ZDBF2: variants seen among roughly 807,000 people sequenced by gnomAD.
ZDBF2 encodes the protein DBF4-type zinc finger-containing protein 2.
In ZDBF2, 6 loss-of-function variants were observed where a neutral mutation model predicts 9.4. That is an observed-to-expected ratio of 0.64 (90% CI 0.35 to 1.27). The LOEUF is 1.27. ZDBF2 is among the 50% of genes most tolerant of loss of function. ZDBF2 has a pLI of 0.03. For synonymous variants in ZDBF2, 905 were observed against 946.3 expected, an observed-to-expected ratio of 0.96 and a Z score of 0.80; for missense variants, 2,697 against 2,766.8, an observed-to-expected ratio of 0.97 and a Z score of 0.57.
In ZDBF2 at chr2:206,309,443, GAGTCACA is replaced by G; in HGVS notation, c.4918_4924del (p.Ser1640AspfsTer7). On this transcript the variant is annotated frameshift_variant, in exon 5 of 5. Transcript: ENST00000374423. LOFTEE classifies it low-confidence loss of function (END_TRUNC). The stretch of plus-strand genomic sequence containing the variant: ...TGCCTCTGATCAGTCCATGACTTAC[GAGTCACA>G]AGGACCTGATGAGAAAATGGTGAAA... The G allele has an allele frequency of 6.2e-7, 1 of 1,613,644 alleles. No homozygotes were observed. The highest frequency in any genetic ancestry group is 2.2e-5 in the East Asian group (1 of 44,880).
At chr2:206,288,547 TC>T (rs577208914) in intron 3 of ZDBF2, among the ~76,000 whole-genome samples, 50 of 152,308 alleles carry the variant, frequency 3.3e-4, no homozygotes, top group African/African-American at 1.2e-3. Flanking sequence ...AGCACTGTGT[TC>T]CGGTTGCAGG....
chr2:206,311,125 T>C lies in ZDBF2; in HGVS notation c.6597T>C (p.Ile2199=), dbSNP rs1236596870. 1.9e-6 allele frequency: 3 copies of C among 1,613,678 alleles called. No individual in the cohort carries two copies. The highest frequency in any genetic ancestry group is 8.5e-7 in the Non-Finnish European group (1 of 1,179,870). The change falls in exon 5 of 5, where the codon ATT becomes ATC. Residue 2199 remains isoleucine (I), a synonymous_variant. Transcript: ENST00000374423. ...CCAAAAAGGTTTATAAACCAATTAT[T>C]CTCCAGCAAAAACCCAGAAAAGCTT... ...GFPKKVYKPI[I]LQQKPRKASE... is the part of the protein sequence containing the mutation.
At position 206,309,015 on chromosome 2, in the gene ZDBF2, C is replaced by G; in HGVS notation, c.4487C>G (p.Ser1496Ter). Residue 1496 changes from serine (S) to a stop codon, truncating the protein, a stop_gained, in exon 5 of 5, where the codon TCA becomes TGA. Coordinates refer to ENST00000374423, the MANE Select transcript of ZDBF2 (RefSeq NM_020923.3). LOFTEE classifies it low-confidence loss of function (END_TRUNC). ...MEEKTDQPSD[S>*]EMMYDSDVPF... ...GAAAAGACCGATCAACCTAGTGATT[C>G]AGAAATGATGTATGATTCTGATGTT... 1.9e-6 allele frequency: 3 copies of G among 1,613,846 alleles called. No individual in the cohort carries two copies. Among genetic ancestry groups the G allele is most frequent in the Non-Finnish European group, 8.5e-7 (1 of 1,179,850 alleles).
At chr2:206,278,267 T>G (rs1159826201) in intron 1 of ZDBF2, among the ~76,000 whole-genome samples, 1 of 152,182 alleles carries the variant, frequency 6.6e-6, no homozygotes, top group Non-Finnish European at 1.5e-5. Context: ...TAAATGTGTA[T>G]TTTCTTATTT....
rs1328166689 is a variant in ZDBF2, at chr2:206,310,927, G to A, written c.6399G>A (p.Lys2133=). The A allele has an allele frequency of 3.7e-6, 6 of 1,613,888 alleles. No homozygotes were observed. Among genetic ancestry groups the A allele is most frequent in the African/African-American group, 1.3e-5 (1 of 75,028 alleles). Residue 2133 remains lysine (K), a synonymous_variant, in exon 5 of 5, where the codon AAG becomes AAA. Transcript: ENST00000374423. ...CTTCTCTGTTTCTGGAAGAATCAAA[G>A]GTTCTGCATGCTCGTGAGCTTCCAA... ...SDSSLFLEES[K]VLHARELPKK...
At position 206,308,395 on chromosome 2, in the gene ZDBF2, T is replaced by C. The variant is rs1405815668; in HGVS notation, c.3867T>C (p.Ser1289=). The C allele has an allele frequency of 3.1e-6, 5 of 1,612,708 alleles. No individual in the cohort carries two copies. Among genetic ancestry groups the C allele is most frequent in the Non-Finnish European group, 4.2e-6 (5 of 1,179,572 alleles). ...KPTDSRINFD[S]HEPLQSVTNK... The stretch of plus-strand genomic sequence containing the variant: ...CAGATTCCAGAATAAATTTTGATTC[T>C]CATGAACCCCTTCAGTCCGTAACTA... Residue 1289 remains serine, a synonymous_variant, in exon 5 of 5, where the codon TCT becomes TCC. Transcript: ENST00000374423.
chr2:206,288,697 T>G (rs1281552340), intron 3 of ZDBF2, among the ~76,000 whole-genome samples: 1 of 152,098 alleles, frequency 6.6e-6, no homozygotes, highest in Non-Finnish European at 1.5e-5. Context: ...CTGTAACTTT[T>G]AGGCACCCCC....
intron 4 of ZDBF2, among the ~76,000 whole-genome samples, chr2:206,300,497 G>A (rs997021065): frequency 2.0e-5 from 3 of 152,144 alleles, no homozygotes; most frequent in Admixed American, 6.5e-5. Flanking sequence ...CATTTTGGGC[G>A]TGAATATCTT....
Position 206,311,591 on chromosome 2 carries a change from TAGA to T in ZDBF2, c.*1_*3del. 1.3e-6 allele frequency: 2 copies of T among 1,487,812 alleles called. No homozygotes were observed. The highest frequency in any genetic ancestry group is 3.0e-5 in the South Asian group (2 of 66,788). 92.2% of individuals were successfully genotyped at this position (1,487,812 alleles called of 1,614,324 possible). On this transcript the variant is annotated stop_retained_variant and 3_prime_UTR_variant, in exon 5 of 5. Transcript: ENST00000374423. ...CAAACTGAGAGGTAATGAGGTAAAA[TAGA>T]AGTTGGTTTTGTGTTCAGGCTAGTT...
At position 206,313,111 on chromosome 2, in the gene ZDBF2, C is replaced by T. The variant is rs1363224998; in HGVS notation, c.*1518C>T. 1 of 152,078 alleles carries T rather than the reference C, an allele frequency of 6.6e-6. No homozygotes were observed. Among genetic ancestry groups the T allele is most frequent in the East Asian group, 1.9e-4 (1 of 5,194 alleles). The allele number at this position is 152,078 out of a possible 1,614,324, so 9.4% of individuals were successfully genotyped here. A position where few individuals can be genotyped will look rare whatever the true frequency, so the allele number is the denominator to read the frequency against. On this transcript the variant is annotated 3_prime_UTR_variant, in exon 5 of 5. Transcript: ENST00000374423. ...GAATTACAACTATATTGTATGACTG[C>T]CATATTTTATTGAAACTAAGGTCAA...
rs1692830177 is a variant in ZDBF2, at chr2:206,306,868, T to C, written c.2340T>C (p.Asp780=). The change falls in exon 5 of 5, where the codon GAT becomes GAC. Residue 780 remains aspartate, a synonymous_variant. Coordinates refer to ENST00000374423, the MANE Select transcript of ZDBF2 (RefSeq NM_020923.3). The part of the protein sequence containing the change: ...EGKERHIDLE[D]ESCESDSSEI... Reference sequence around the variant, plus strand: ...AAGAACGGCACATTGACCTGGAAGATGAGAGCTGTGAGTCAGATAGTTCTG... The same window carrying C: ...AAGAACGGCACATTGACCTGGAAGACGAGAGCTGTGAGTCAGATAGTTCTG... 8 of 1,613,858 alleles carry C rather than the reference T, an allele frequency of 5.0e-6. No homozygotes were observed. The highest frequency in any genetic ancestry group is 6.8e-6 in the Non-Finnish European group (8 of 1,179,804).
intron 3 of ZDBF2, among the ~76,000 whole-genome samples, chr2:206,290,749 T>C (rs1574392781): frequency 6.6e-6 from 1 of 152,268 alleles, no homozygotes; most frequent in East Asian, 1.9e-4. Flanking sequence ...ATTTTTTTTG[T>C]AGATTCCTTA....
At chr2:206,303,373 G>A (rs955066720) in intron 4 of ZDBF2, among the ~76,000 whole-genome samples, 1 of 151,956 alleles carries the variant, frequency 6.6e-6, no homozygotes, top group African/African-American at 2.4e-5. Context: ...TTAGTACCTA[G>A]CATAGTGCCT....
At chr2:206,275,914 A>G (rs1429554794) in intron 1 of ZDBF2, among the ~76,000 whole-genome samples, 1 of 152,240 alleles carries the variant, frequency 6.6e-6, no homozygotes, top group Non-Finnish European at 1.5e-5. Context: ...CTAGAAGGCA[A>G]GAAAGCAACT....
intron 3 of ZDBF2, among the ~76,000 whole-genome samples, chr2:206,293,375 C>G (rs1202824647): frequency 2.0e-5 from 3 of 152,062 alleles, no homozygotes. Context: ...AGGAGAAAAT[C>G]TCTATGACTT....
At chr2:206,278,003 T>C (rs1475696247) in intron 1 of ZDBF2, among the ~76,000 whole-genome samples, 1 of 152,192 alleles carries the variant, frequency 6.6e-6, no homozygotes, top group African/African-American at 2.4e-5. Flanking sequence ...TCTCCTATTT[T>C]ATGATAGCAT....
chr2:206,281,771 AT>A (rs1691330826), intron 2 of ZDBF2, 29 bp from the exon 3 acceptor site: 2 of 1,383,936 alleles, frequency 1.4e-6, no homozygotes, highest in Non-Finnish European at 2.0e-6. Context: ...AGGAATTATG[AT>A]TTTTACCATT....
intron 3 of ZDBF2, 75 bp from the exon 4 acceptor site, chr2:206,297,171 A>G (rs1692225606): frequency 1.6e-6 from 1 of 613,560 alleles, no homozygotes; most frequent in Non-Finnish European, 2.9e-6. Flanking sequence ...GAGTATAGAA[A>G]TGAATCCATT....
Position 206,307,172 on chromosome 2 carries a change from T to G in ZDBF2, c.2644T>G (p.Ser882Ala). Residue 882 changes from serine to alanine, a missense_variant, in exon 5 of 5, where the codon TCA becomes GCA. Physicochemically the swap from Ser to Ala is moderately conservative, Grantham distance 99 (BLOSUM62 1). Coordinates refer to ENST00000374423, the MANE Select transcript of ZDBF2 (RefSeq NM_020923.3). ...ISSDSHAPLH[S>A]VTNSPEVAVK... is the part of the protein sequence containing the mutation. Reference sequence around the variant, plus strand: ...TTCGGATTCCCATGCCCCTCTTCATTCAGTGACTAATTCTCCCGAAGTAGC... The same window carrying G: ...TTCGGATTCCCATGCCCCTCTTCATGCAGTGACTAATTCTCCCGAAGTAGC... 1 of 1,613,494 alleles carries G rather than the reference T, an allele frequency of 6.2e-7. No individual in the cohort carries two copies. The highest frequency in any genetic ancestry group is 8.5e-7 in the Non-Finnish European group (1 of 1,179,738).
Sources: allele counts gnomAD v4.1 joint callset (sites outside exome capture counted in the v4.1 genomes callset), GRCh38; gene constraint gnomAD v4.1.1; transcripts MANE v1.5; gene names NCBI Gene and HGNC (gene_info 2026-07-23, HGNC 2026-07-21).